SMPD4: variants seen among roughly 807,000 people sequenced by gnomAD.
SMPD4 encodes neutral sphingomyelinase 3.
Under a neutral mutation model 97.8 loss-of-function variants are expected in SMPD4, and 58 were observed. The observed-to-expected ratio is 0.59, with a 90% confidence interval of 0.48 to 0.74. The LOEUF (loss-of-function observed/expected upper bound fraction) is 0.74, where lower values mean the gene tolerates loss of function less well. Ranked by LOEUF, SMPD4 falls within the 30% of genes least tolerant of loss-of-function variation. The pLI, the probability that SMPD4 is intolerant of heterozygous loss-of-function variation, is 0.00. For synonymous variants in SMPD4, 388 were observed against 450.0 expected, an observed-to-expected ratio of 0.86 and a Z score of 1.74; for missense variants, 853 against 1,080.5, an observed-to-expected ratio of 0.79 and a Z score of 2.95.
chr2:130,167,347 C>T (rs1688032629), intron 9 of SMPD4, 111 bp downstream of exon 9: 2 of 1,491,384 alleles, frequency 1.3e-6, no homozygotes, highest in Non-Finnish European at 1.8e-6. Flanking sequence ...TCCCAAACTC[C>T]TGACCTCAGG....
intron 13 of SMPD4, 104 bp downstream of exon 13, chr2:130,156,481 C>T: frequency 2.6e-6 from 3 of 1,144,618 alleles, no homozygotes; most frequent in Non-Finnish European, 3.8e-6. Context: ...CTTGCCAAGG[C>T]CTCTGTGATA....
chr2:130,158,243 C>T (rs2104823004), intron 11 of SMPD4: 2 of 1,288,882 alleles, frequency 1.6e-6, no homozygotes, highest in Non-Finnish European at 2.0e-6. Context: ...CCCCGGGCGT[C>T]ACTTCCTCTG....
At chr2:130,176,502 C>T (rs374125544) in intron 2 of SMPD4, 52 bp downstream of exon 2, 56 of 1,456,466 alleles carry the variant, frequency 3.8e-5, no homozygotes, top group Admixed American at 1.4e-4. Context: ...TCAAGTCCCA[C>T]ATCTACAGAA....
At position 130,152,829 on chromosome 2, in the gene SMPD4, C is replaced by A; in HGVS notation, c.2210G>T (p.Cys737Phe). 6.2e-7 allele frequency: 1 copy of A among 1,602,368 alleles called. No individual in the cohort carries two copies. The highest frequency in any genetic ancestry group is 8.5e-7 in the Non-Finnish European group (1 of 1,172,848). Reference protein sequence around the residue: ...CSRDDFLGSFCRYHLTEPGLA... With the variant: ...CSRDDFLGSFFRYHLTEPGLA... ...CCCAGGTTCTGTGAGGTGGTAGCGA[C>A]AGAAGCTGCCGAGGAAGTCATCCCG... Residue 737 changes from cysteine (C) to phenylalanine (F), a missense_variant, in exon 20 of 20, where the codon TGT becomes TTT. This residue lies in a region of SMPD4 where 511 missense variants were observed against 608.1 expected (regional missense o/e 0.84). Coordinates refer to ENST00000680298, the MANE Select transcript of SMPD4 (RefSeq NM_017951.5).
rs370230506 is a variant in SMPD4, at chr2:130,152,745, C to A, written c.2294G>T (p.Arg765Leu). The A allele has an allele frequency of 1.0e-5, 16 of 1,593,398 alleles. No individual in the cohort carries two copies. Among genetic ancestry groups the A allele is most frequent in the Middle Eastern group, 1.9e-4 (1 of 5,368 alleles). Residue 765 changes from arginine to leucine, a missense_variant, in exon 20 of 20, where the codon CGC (arginine) becomes CTC (leucine). By Grantham distance (102) the Arg-to-Leu change is moderately radical (BLOSUM62 -2). Around this residue, in one of 3 missense-constraint regions of SMPD4, gnomAD observed 511 missense variants for 608.1 expected, o/e 0.84. Transcript: ENST00000680298. ...VGRRQVAGHTRGPRLSLRFLG... is the reference protein window; with the variant it reads ...VGRRQVAGHTLGPRLSLRFLG... ...GAAGCGCAGGCTGAGCCTGGGGCCGCGGGTGTGGCCGGCCACCTGCCTCCG... is the reference window on the plus strand; with the variant it reads ...GAAGCGCAGGCTGAGCCTGGGGCCGAGGGTGTGGCCGGCCACCTGCCTCCG...
intron 1 of SMPD4, among the ~76,000 whole-genome samples, chr2:130,177,716 A>G (rs576198227): frequency 5.9e-5 from 9 of 152,154 alleles, no homozygotes; most frequent in African/African-American, 1.9e-4. Flanking sequence ...AAAGAAAAAA[A>G]GAAATACTGT....
At chr2:130,181,200 A>T (rs936104226) in intron 1 of SMPD4, 49 of 1,112,102 alleles carry the variant, frequency 4.4e-5, no homozygotes, top group Admixed American at 2.1e-4. Flanking sequence ...CGGCTCTTAC[A>T]CCCACACCGC....
chr2:130,176,364 A>G (rs1289867111), intron 2 of SMPD4, among the ~76,000 whole-genome samples, 190 bp downstream of exon 2: 1 of 152,242 alleles, frequency 6.6e-6, no homozygotes, highest in Non-Finnish European at 1.5e-5. Flanking sequence ...AGAGCCCAGA[A>G]GTTGAGTAAC....
rs201893351 is a variant in SMPD4 at position 130,153,338 on chromosome 2, G to A, written c.2006C>T (p.Thr669Met). 2.5e-5 allele frequency: 41 copies of A among 1,613,702 alleles called. No homozygotes were observed. Among genetic ancestry groups the A allele is most frequent in the Admixed American group, 2.2e-4 (13 of 60,012 alleles). ...CIVGEDGLIL[T>M]PLGRYQIING... ...TCTCACCTGGTACCGCCCCAGGGGC[G>A]TAAGGATGAGTCCGTCCTCACCCAC... is the stretch of plus-strand genomic sequence containing the variant. The change falls in exon 18 of 20, where the codon ACG (threonine) becomes ATG (methionine). Residue 669 changes from threonine (T) to methionine (M), a missense_variant. By Grantham distance (81) the Thr-to-Met change is moderately conservative (BLOSUM62 -1). Transcript: ENST00000680298.
Position 130,172,432 on chromosome 2 carries a change from C to A in SMPD4, c.576G>T (p.Leu192=). ...TGCCTTCGGTGGGCAGGAACCATGACAGGTACCTGTCCACCAGGATGAAAT... is the reference window on the plus strand; with the variant it reads ...TGCCTTCGGTGGGCAGGAACCATGAAAGGTACCTGTCCACCAGGATGAAAT... The part of the protein sequence containing the change: ...CAYFILVDRY[L]SWFLPTEGSV... The change falls in exon 8 of 20, where the codon CTG becomes CTT. Residue 192 remains leucine (L), a synonymous_variant. Coordinates refer to ENST00000680298, the MANE Select transcript of SMPD4 (RefSeq NM_017951.5). 3 of 1,612,316 alleles carry A rather than the reference C, an allele frequency of 1.9e-6. No homozygotes were observed. The highest frequency in any genetic ancestry group is 2.5e-6 in the Non-Finnish European group (3 of 1,179,192).
rs1251221286 is a variant in SMPD4, at chr2:130,152,351, T to G, written c.*204A>C. 13 of 611,442 alleles carry G rather than the reference T, an allele frequency of 2.1e-5. No homozygotes were observed. The highest frequency in any genetic ancestry group is 3.7e-5 in the Non-Finnish European group (13 of 350,952). The allele number at this position is 611,442 out of a possible 1,614,324, so 37.9% of individuals were successfully genotyped here. A position where few individuals can be genotyped will look rare whatever the true frequency, so the allele number is the denominator to read the frequency against. On this transcript the variant is annotated 3_prime_UTR_variant, in exon 20 of 20. Coordinates refer to ENST00000680298, the MANE Select transcript of SMPD4 (RefSeq NM_017951.5). Reference sequence around the variant, plus strand: ...GTCACAGAGCGTAGCTGTTGAGCCCTGGCAGCTACTCCTTTGCTGGGGCCC... The same window carrying G: ...GTCACAGAGCGTAGCTGTTGAGCCCGGGCAGCTACTCCTTTGCTGGGGCCC...
At chr2:130,164,255 G>T in intron 10 of SMPD4, 119 bp downstream of exon 10, 1 of 832,508 alleles carries the variant, frequency 1.2e-6, no homozygotes, top group East Asian at 2.5e-5. Flanking sequence ...GTGACAGGTG[G>T]GTGGTGGGTT....
chr2:130,155,649 C>T (rs566820129), intron 14 of SMPD4, among the ~76,000 whole-genome samples: 7 of 151,988 alleles, frequency 4.6e-5, no homozygotes, highest in East Asian at 2.0e-4. Flanking sequence ...CCTGGGGGTC[C>T]GCTGTGAGGA....
Position 130,156,027 on chromosome 2 carries a change from A to G in SMPD4, c.1289+8T>C. 6.2e-7 allele frequency: 1 copy of G among 1,610,148 alleles called. No homozygotes were observed. Among genetic ancestry groups the G allele is most frequent in the South Asian group, 1.1e-5 (1 of 90,942 alleles). ...AGTGGCATGTCTGTGAGAGGAGCTG[A>G]GGCTCACCATTTCTCCGACACACAC... On this transcript the variant is annotated splice_region_variant and intron_variant, in intron 14 of 19. Coordinates refer to ENST00000680298, the MANE Select transcript of SMPD4 (RefSeq NM_017951.5).
chr2:130,175,979 C>G (rs924974713), intron 2 of SMPD4, among the ~76,000 whole-genome samples: 1 of 152,078 alleles, frequency 6.6e-6, no homozygotes. Context: ...TATCTAACTT[C>G]TCACTTCTCA....
intron 11 of SMPD4, 132 bp downstream of exon 11, chr2:130,161,054 C>T: frequency 3.7e-6 from 3 of 804,116 alleles, no homozygotes; most frequent in South Asian, 3.4e-5. Context: ...CCCCTGCCTC[C>T]CCCCGACACA....
intron 2 of SMPD4, among the ~76,000 whole-genome samples, chr2:130,175,838 T>A (rs1209902822): frequency 2.6e-5 from 4 of 152,228 alleles, no homozygotes; most frequent in Admixed American, 2.6e-4. Flanking sequence ...AGACCTGAGC[T>A]ATCTGGCCAT....
In SMPD4 at chr2:130,156,642, G is replaced by A; in HGVS notation, c.1131C>T (p.Leu377=). Residue 377 remains leucine (L), a synonymous_variant, in exon 13 of 20, where the codon CTC becomes CTT. Transcript: ENST00000680298. ...AAVPRFVQQK[L]YLFLQHCFGH... The stretch of plus-strand genomic sequence containing the variant: ...CAAAGCAATGCTGCAAGAAGAGGTA[G>A]AGTTTCTGCTGGACGAACCTCGGGA... 3 of 1,613,910 alleles carry A rather than the reference G, an allele frequency of 1.9e-6. No homozygotes were observed. Among genetic ancestry groups the A allele is most frequent in the Non-Finnish European group, 2.5e-6 (3 of 1,179,904 alleles).
At position 130,162,913 on chromosome 2, in the gene SMPD4, T is replaced by G. The variant is rs192685344; in HGVS notation, c.864+1461A>C. ...AGCAGGGTCCACCCACCCCAAGGTC[T>G]GGCCAAGAGGAAGCAAATGTGGGGA... On this transcript the variant is annotated intron_variant, in intron 10 of 19. Transcript: ENST00000680298. Among the ~76,000 whole-genome samples the G allele has an allele frequency of 4.9e-4, 74 of 152,344 alleles. No homozygotes were observed. In the East Asian group the frequency reaches 0.01, roughly 21 times the overall value.
Sources: allele counts gnomAD v4.1 joint callset (sites outside exome capture counted in the v4.1 genomes callset), GRCh38; gene constraint gnomAD v4.1.1; regional missense constraint gnomAD v4.1.1; transcripts MANE v1.5; gene names NCBI Gene and HGNC (gene_info 2026-07-23, HGNC 2026-07-21).